The following SCFD2 variants were observed in gnomAD, a reference collection of about 807,000 sequenced individuals.
SCFD2 encodes sec1 family domain containing 2.
A neutral mutation model predicts 58.9 loss-of-function variants in SCFD2; 54 were observed. That is an observed-to-expected ratio of 0.92 (90% CI 0.74 to 1.15). The LOEUF (loss-of-function observed/expected upper bound fraction) is 1.15. Ranked by LOEUF, SCFD2 falls within the 50% of genes most tolerant of loss-of-function variation. The pLI is 0.00. For synonymous variants in SCFD2, 321 were observed against 335.9 expected, an observed-to-expected ratio of 0.96 and a Z score of 0.49; for missense variants, 805 against 836.6, an observed-to-expected ratio of 0.96 and a Z score of 0.47.
intron 4 of SCFD2, among the ~76,000 whole-genome samples, chr4:53,159,744 C>T (rs1726797296): frequency 1.3e-5 from 2 of 152,184 alleles, no homozygotes; most frequent in Admixed American, 6.5e-5. Flanking sequence ...CAGATATTCC[C>T]ATCCAGGATG....
chr4:53,275,282 T>C (rs1450178300), intron 3 of SCFD2, among the ~76,000 whole-genome samples: 2 of 152,198 alleles, frequency 1.3e-5, no homozygotes, highest in Non-Finnish European at 2.9e-5. Context: ...TTTTCATTAA[T>C]TTTTTTGAAG....
chr4:53,221,386 A>G (rs1729042913), intron 4 of SCFD2, among the ~76,000 whole-genome samples: 1 of 152,254 alleles, frequency 6.6e-6, no homozygotes, highest in Non-Finnish European at 1.5e-5. Flanking sequence ...TTGAGGCTAA[A>G]TTAGTCCATG....
At chr4:52,986,441 A>C (rs1272255495) in intron 5 of SCFD2, among the ~76,000 whole-genome samples, 1 of 151,772 alleles carries the variant, frequency 6.6e-6, no homozygotes, top group Non-Finnish European at 1.5e-5. Context: ...ACAGGGGATG[A>C]AGAGAGAAGA....
intron 4 of SCFD2, among the ~76,000 whole-genome samples, chr4:53,198,043 G>T (rs925423675): frequency 6.6e-6 from 1 of 152,010 alleles, no homozygotes; most frequent in African/African-American, 2.4e-5. Context: ...GGAGTTTGCG[G>T]ACAGGAAAAT....
rs1218115966 is a variant in SCFD2, at chr4:52,992,542, G to A, written c.1562-71672C>T. ...CCGGCCACCCAGTCTGGCAAGTGAGGAGCACCTCTTCCCGGCCGCCATCCC... is the reference window on the plus strand; with the variant it reads ...CCGGCCACCCAGTCTGGCAAGTGAGAAGCACCTCTTCCCGGCCGCCATCCC... On this transcript the variant is annotated intron_variant, in intron 5 of 8. Coordinates refer to ENST00000401642, the MANE Select transcript of SCFD2 (RefSeq NM_152540.4). Among the ~76,000 whole-genome samples the A allele has an allele frequency of 5.9e-5, 9 of 151,540 alleles. No homozygotes were observed. The South Asian group carries it at 1.5e-3, about 25-fold the overall frequency.
At chr4:53,154,830 G>T (rs907253211) in intron 4 of SCFD2, among the ~76,000 whole-genome samples, 24 of 145,678 alleles carry the variant, frequency 1.6e-4, no homozygotes, top group Non-Finnish European at 2.4e-4. Context: ...TCCTGGCTGT[G>T]CTGAGAGAGA....
chr4:53,143,714 G>A (rs1169701786), intron 5 of SCFD2, among the ~76,000 whole-genome samples: 1 of 151,738 alleles, frequency 6.6e-6, no homozygotes, highest in Non-Finnish European at 1.5e-5. Context: ...GCCCAACAGA[G>A]GACAAGAGGA....
chr4:53,200,852 T>C (rs1364998583), intron 4 of SCFD2, among the ~76,000 whole-genome samples: 1 of 150,776 alleles, frequency 6.6e-6, no homozygotes, highest in East Asian at 2.0e-4. Flanking sequence ...AGTTCAGTCA[T>C]TCATCTCTAT....
At chr4:53,201,846 T>G (rs1017229770) in intron 4 of SCFD2, among the ~76,000 whole-genome samples, 1 of 152,228 alleles carries the variant, frequency 6.6e-6, no homozygotes, top group African/African-American at 2.4e-5. Flanking sequence ...TCTGTTCATA[T>G]CCTTGGCCCA....
intron 4 of SCFD2, among the ~76,000 whole-genome samples, chr4:53,273,369 C>G (rs1269517054): frequency 1.3e-5 from 2 of 152,120 alleles, no homozygotes; most frequent in South Asian, 4.1e-4. Flanking sequence ...ATAAACACTA[C>G]AAATGGAGAT....
chr4:52,901,346 G>A (rs765892029), intron 7 of SCFD2, among the ~76,000 whole-genome samples: 11 of 152,146 alleles, frequency 7.2e-5, no homozygotes, highest in Non-Finnish European at 1.5e-4. Context: ...CTTTAACCTG[G>A]GTGGGCATTT....
At chr4:52,887,513 G>C (rs1188055371) in intron 7 of SCFD2, among the ~76,000 whole-genome samples, 1 of 152,188 alleles carries the variant, frequency 6.6e-6, no homozygotes, top group African/African-American at 2.4e-5. Context: ...AGCCACAGTT[G>C]GTTTGATGGA....
intron 4 of SCFD2, among the ~76,000 whole-genome samples, chr4:53,263,770 C>T (rs186378297): frequency 6.6e-6 from 1 of 152,268 alleles, no homozygotes; most frequent in African/African-American, 2.4e-5. Context: ...GCATCAGCTG[C>T]AGTACTATAG....
intron 4 of SCFD2, among the ~76,000 whole-genome samples, chr4:53,250,910 G>A (rs1296721956): frequency 2.0e-5 from 3 of 152,122 alleles, no homozygotes; most frequent in Non-Finnish European, 2.9e-5. Context: ...AGAACTGAAG[G>A]AAATAGAGAC....
chr4:52,994,149 G>T (rs1048744530), intron 5 of SCFD2, among the ~76,000 whole-genome samples: 2 of 152,216 alleles, frequency 1.3e-5, no homozygotes, highest in African/African-American at 4.8e-5. Context: ...CACCTGGAGG[G>T]CTGTGGATCA....
At chr4:53,352,261 T>G (rs1394080284) in intron 2 of SCFD2, among the ~76,000 whole-genome samples, 1 of 152,206 alleles carries the variant, frequency 6.6e-6, no homozygotes, top group Non-Finnish European at 1.5e-5. Context: ...AAAAGTCAAC[T>G]GGGAAAAAGA....
Position 53,365,401 on chromosome 4 carries a change from G to T in SCFD2, c.541C>A (p.Pro181Thr). ...PAFASLFPLL[P>T]QDVHLLNSAR... ...CTATTAAGGAGGTGCACATCCTGGGGTAGCAGTGGGAAAAGGGATGCAAAA... is the reference window on the plus strand; with the variant it reads ...CTATTAAGGAGGTGCACATCCTGGGTTAGCAGTGGGAAAAGGGATGCAAAA... Residue 181 changes from proline to threonine, a missense_variant, in exon 1 of 9, where the codon CCC becomes ACC. Around this residue, in one of 3 missense-constraint regions of SCFD2, gnomAD observed 633 missense variants for 646.8 expected, o/e 0.98. Transcript: ENST00000401642. The surrounding 1 kb of genome is among the most constrained non-coding windows in gnomAD (Gnocchi z 4.3). 1 of 1,614,190 alleles carries T rather than the reference G, an allele frequency of 6.2e-7. No individual in the cohort carries two copies. The highest frequency in any genetic ancestry group is 8.5e-7 in the Non-Finnish European group (1 of 1,180,034).
At chr4:53,334,468 G>A (rs1733609192) in intron 2 of SCFD2, among the ~76,000 whole-genome samples, 1 of 151,166 alleles carries the variant, frequency 6.6e-6, no homozygotes. Flanking sequence ...GGATGAAATT[G>A]GAAATCATCA....
intron 1 of SCFD2, among the ~76,000 whole-genome samples, chr4:53,362,758 A>G (rs1734581927): frequency 6.6e-6 from 1 of 152,174 alleles, no homozygotes; most frequent in South Asian, 2.1e-4. Context: ...GTGAAAATAC[A>G]GAGAAAAGGA....
Sources: allele counts gnomAD v4.1 joint callset (sites outside exome capture counted in the v4.1 genomes callset), GRCh38; gene constraint gnomAD v4.1.1; regional missense constraint gnomAD v4.1.1; non-coding constraint Gnocchi (gnomAD v3.1); transcripts MANE v1.5; gene names NCBI Gene and HGNC (gene_info 2026-07-23, HGNC 2026-07-21).